Variants in ETF1 observed in about 807,000 individuals in gnomAD.
ETF1 encodes the protein eukaryotic translation termination factor 1, also known as eukaryotic peptide chain release factor subunit 1.
Under a neutral mutation model 55.1 loss-of-function variants are expected in ETF1, and 4 were observed. The ratio of observed to expected loss-of-function variants is 0.07; its 90% CI spans 0.04 to 0.17. The LOEUF is 0.17. Ranked by LOEUF, ETF1 falls within the 10% of genes least tolerant of loss-of-function variation. ETF1 has a pLI of 1.00. For missense variants in ETF1, 142 were observed against 523.6 expected, an observed-to-expected ratio of 0.27 and a Z score of 7.11; for synonymous variants, 157 against 182.3, an observed-to-expected ratio of 0.86 and a Z score of 1.12.
At chr5:138,524,212 G>A (rs1439141166) in intron 2 of ETF1, among the ~76,000 whole-genome samples, 1 of 151,388 alleles carries the variant, frequency 6.6e-6, no homozygotes, top group Admixed American at 6.6e-5. Context: ...AAAAAGTTGG[G>A]CATGGTGGCA....
chr5:138,539,526 G>A (rs1275889423), intron 2 of ETF1, among the ~76,000 whole-genome samples: 1 of 152,180 alleles, frequency 6.6e-6, no homozygotes, highest in Non-Finnish European at 1.5e-5. Flanking sequence ...TGGGGCCTAT[G>A]TCTACCAAAA....
At chr5:138,518,080 T>C (rs1482268487) in intron 3 of ETF1, 1 of 153,556 alleles carries the variant, frequency 6.5e-6, no homozygotes, top group African/African-American at 2.4e-5. Context: ...TGGGCACCTG[T>C]AGTCCCAGCT....
At chr5:138,535,198 C>A (rs1027663711) in intron 2 of ETF1, among the ~76,000 whole-genome samples, 1 of 151,972 alleles carries the variant, frequency 6.6e-6, no homozygotes, top group Non-Finnish European at 1.5e-5. Flanking sequence ...GATCTACCTG[C>A]CTAGACCTCC....
intron 2 of ETF1, among the ~76,000 whole-genome samples, chr5:138,535,933 T>C (rs1351645088): frequency 7.0e-6 from 1 of 142,240 alleles, no homozygotes; most frequent in African/African-American, 2.5e-5. Context: ...TAAATCCCCT[T>C]CAACATGTAC....
At position 138,510,639 on chromosome 5, in the gene ETF1, T is replaced by G. The variant is rs774929840; in HGVS notation, c.1019-10A>C. 6.8e-6 allele frequency: 11 copies of G among 1,612,352 alleles called. No individual in the cohort carries two copies. Among genetic ancestry groups the G allele is most frequent in the Admixed American group, 6.7e-5 (4 of 59,930 alleles). On this transcript the variant is annotated splice_polypyrimidine_tract_variant and intron_variant, in intron 8 of 10. Transcript: ENST00000360541. ...TAGAGAATTTTCTCCTCTGTAGTAT[T>G]AGGAGGAAAAAATGTGTTAACCTGG...
rs199874636 is a variant in ETF1, at chr5:138,508,404, A to C, written c.1232-17T>G. ...GCAAGATACCTGGGGAAACAAACCAAAAGGTAAATTACCTGTGTTCATGGG... is the reference window on the plus strand; with the variant it reads ...GCAAGATACCTGGGGAAACAAACCACAAGGTAAATTACCTGTGTTCATGGG... On this transcript the variant is annotated splice_polypyrimidine_tract_variant and intron_variant, in intron 10 of 10. Coordinates refer to ENST00000360541, the MANE Select transcript of ETF1 (RefSeq NM_004730.4). The C allele has an allele frequency of 1.8e-5, 29 of 1,613,356 alleles. No homozygotes were observed. The highest frequency in any genetic ancestry group is 2.5e-5 in the Non-Finnish European group (29 of 1,179,670).
At chr5:138,520,366 C>T (rs962346739) in intron 2 of ETF1, among the ~76,000 whole-genome samples, 9 of 152,320 alleles carry the variant, frequency 5.9e-5, no homozygotes, top group African/African-American at 2.2e-4. Context: ...ACCATCAAGG[C>T]CCTGCCACAT....
At chr5:138,529,363 A>G (rs1188436783) in intron 2 of ETF1, among the ~76,000 whole-genome samples, 1 of 152,226 alleles carries the variant, frequency 6.6e-6, no homozygotes, top group African/African-American at 2.4e-5. Context: ...GGGAAAATGA[A>G]AAATAAAGCT....
At chr5:138,519,611 C>T (rs185741946) in intron 2 of ETF1, among the ~76,000 whole-genome samples, 2 of 150,512 alleles carry the variant, frequency 1.3e-5, no homozygotes, top group African/African-American at 4.9e-5. Context: ...TGCAGTGAGC[C>T]GAGATCATGT....
intron 2 of ETF1, among the ~76,000 whole-genome samples, chr5:138,521,474 T>C (rs2127090021): frequency 6.6e-6 from 1 of 152,330 alleles, no homozygotes; most frequent in Non-Finnish European, 1.5e-5. Flanking sequence ...TGTTATGTAT[T>C]TTTTACAACG....
chr5:138,515,883 G>C (rs556163358), intron 4 of ETF1, among the ~76,000 whole-genome samples: 2 of 152,174 alleles, frequency 1.3e-5, no homozygotes, highest in Non-Finnish European at 2.9e-5. Context: ...CTATGCAGTC[G>C]ACCAAGATCC....
At chr5:138,518,257 C>CTAG (rs1765102781) in intron 3 of ETF1, among the ~76,000 whole-genome samples, 1 of 150,612 alleles carries the variant, frequency 6.6e-6, no homozygotes, top group South Asian at 2.1e-4. Flanking sequence ...GTCACTCAGG[C>CTAG]TAGTGTGCAG....
chr5:138,524,554 TA>T (rs759157222), intron 2 of ETF1, among the ~76,000 whole-genome samples: 2,184 of 137,870 alleles, frequency 0.016, 18 homozygotes, highest in Middle Eastern at 0.029. Flanking sequence ...CTGTGTCTCT[TA>T]AAAAAAAAAA....
intron 2 of ETF1, chr5:138,529,546 A>G (rs1407487589): frequency 1.0e-6 from 1 of 974,534 alleles, no homozygotes; most frequent in Non-Finnish European, 1.2e-6. Context: ...AAAACAAGAG[A>G]CAACATACAG....
chr5:138,538,041 C>T (rs1443255590), intron 2 of ETF1, among the ~76,000 whole-genome samples: 6 of 145,650 alleles, frequency 4.1e-5, no homozygotes, highest in East Asian at 4.0e-4. Flanking sequence ...TACAGGCATG[C>T]ACCACCATGC....
At chr5:138,512,218 A>T (rs1165224186) in intron 6 of ETF1, among the ~76,000 whole-genome samples, 1 of 31,604 alleles carries the variant, frequency 3.2e-5, no homozygotes, top group African/African-American at 1.3e-4. Flanking sequence ...AAAAAAAAAA[A>T]AAAAAAAATA....
intron 9 of ETF1, among the ~76,000 whole-genome samples, chr5:138,510,082 T>G (rs10077025): frequency 0.95 from 142,111 of 150,344 alleles, 67,216 homozygotes; most frequent in East Asian, 0.99. Context: ...AAAAGACCGG[T>G]CATGGTGGCT....
At position 138,525,943 on chromosome 5, in the gene ETF1, T is replaced by TAAAA. The variant is rs35058160; in HGVS notation, c.87-7080_87-7077dup. Among the ~76,000 whole-genome samples the TAAAA allele has an allele frequency of 4.6e-4, 61 of 133,802 alleles. 3 individuals are homozygous for TAAAA. The highest frequency in any genetic ancestry group is 5.8e-4 in the Non-Finnish European group (37 of 63,868). 87.8% of individuals were successfully genotyped at this position (133,802 alleles called of 152,430 possible). On this transcript the variant is annotated intron_variant, in intron 2 of 10. Coordinates refer to ENST00000360541, the MANE Select transcript of ETF1 (RefSeq NM_004730.4). ...CTGGGCAACAGAGTGAGACTCTGTT[T>TAAAA]AAAAAAAAAAAAAAAAAAGAAATGT...
chr5:138,532,447 C>T (rs1765741641), intron 2 of ETF1, among the ~76,000 whole-genome samples: 1 of 152,116 alleles, frequency 6.6e-6, no homozygotes, highest in Admixed American at 6.6e-5. Flanking sequence ...ATGTCAAGTG[C>T]CTAGCTTGGA....
Sources: allele counts gnomAD v4.1 joint callset (sites outside exome capture counted in the v4.1 genomes callset), GRCh38; gene constraint gnomAD v4.1.1; transcripts MANE v1.5; gene names NCBI Gene and HGNC (gene_info 2026-07-23, HGNC 2026-07-21).